CSMD1: variants seen among roughly 807,000 people sequenced by gnomAD.
The protein encoded by CSMD1 is CUB and Sushi multiple domains 1.
CSMD1 carries 213 observed loss-of-function variants against 417.5 expected under a neutral mutation model. The observed-to-expected ratio is 0.51, with a 90% CI of 0.46 to 0.57. CSMD1 has a LOEUF of 0.57. CSMD1 is among the 20% of genes least tolerant of loss of function. The probability of loss-of-function intolerance (pLI) is 0.00; values close to 1 mark genes in which losing one functional copy is unlikely to be tolerated. For synonymous variants in CSMD1, 2,862 were observed against 1,736.8 expected, an observed-to-expected ratio of 1.65 and a Z score of -16.11; for missense variants, 6,923 against 4,529.7, an observed-to-expected ratio of 1.53 and a Z score of -15.17.
At position 3,142,506 on chromosome 8, in the gene CSMD1, T is replaced by A. The variant is rs748998362; in HGVS notation, c.6200A>T (p.Asp2067Val). Reference protein sequence around the residue: ...THETLIHFYSDHSQNRQGFKL... With the variant: ...THETLIHFYSVHSQNRQGFKL... Reference sequence around the variant, plus strand: ...AAATCCTTGCCGGTTTTGCGAATGGTCACTATAAAAGTGGATGAGGGTTTC... The same window carrying A: ...AAATCCTTGCCGGTTTTGCGAATGGACACTATAAAAGTGGATGAGGGTTTC... Residue 2067 changes from aspartate to valine, a missense_variant, in exon 41 of 70, where the codon GAC (aspartate) becomes GTC (valine). By Grantham distance (152) the Asp-to-Val change is radical. Coordinates refer to ENST00000635120, the MANE Select transcript of CSMD1 (RefSeq NM_033225.6). 1.9e-6 allele frequency: 3 copies of A among 1,613,880 alleles called. No homozygotes were observed. Among genetic ancestry groups the A allele is most frequent in the Non-Finnish European group, 1.7e-6 (2 of 1,179,896 alleles).
At chr8:3,741,172 C>T (rs1796781253) in intron 6 of CSMD1, among the ~76,000 whole-genome samples, 1 of 132,722 alleles carries the variant, frequency 7.5e-6, no homozygotes, top group East Asian at 2.3e-4. Context: ...TGAGATCGTG[C>T]TATTGCAGTC....
At chr8:4,324,443 A>G (rs939866596) in intron 3 of CSMD1, among the ~76,000 whole-genome samples, 12 of 152,236 alleles carry the variant, frequency 7.9e-5, no homozygotes, top group Non-Finnish European at 1.8e-4. Flanking sequence ...AGCCTTTGTC[A>G]GTGAACACAG....
At chr8:3,139,925 T>C (rs2897452) in intron 41 of CSMD1, among the ~76,000 whole-genome samples, 55,016 of 144,940 alleles carry the variant, frequency 0.38, 13,036 homozygotes, top group Non-Finnish European at 0.53. Context: ...TTTTTTTAGA[T>C]GGAGTCTCCC....
chr8:4,278,028 T>A (rs1315066185), intron 3 of CSMD1, among the ~76,000 whole-genome samples: 1 of 152,152 alleles, frequency 6.6e-6, no homozygotes, highest in African/African-American at 2.4e-5. Context: ...ATTACAAGCA[T>A]GAGCCACGGC....
intron 1 of CSMD1, among the ~76,000 whole-genome samples, chr8:4,911,165 A>C (rs1266789205): frequency 6.6e-6 from 1 of 152,236 alleles, no homozygotes; most frequent in African/African-American, 2.4e-5. Context: ...CTTTATCAGC[A>C]GTGTGAAAAT....
intron 5 of CSMD1, among the ~76,000 whole-genome samples, chr8:3,967,353 C>G (rs1196868481): frequency 3.3e-5 from 5 of 151,960 alleles, no homozygotes; most frequent in African/African-American, 1.2e-4. Flanking sequence ...CGACCCTGAA[C>G]TTGTAAACAT....
intron 12 of CSMD1, among the ~76,000 whole-genome samples, chr8:3,441,539 C>A (rs962423834): frequency 6.8e-6 from 1 of 146,084 alleles, no homozygotes; most frequent in African/African-American, 2.5e-5. Context: ...TCCTGTACCA[C>A]GTAAGGACAT....
intron 10 of CSMD1, among the ~76,000 whole-genome samples, chr8:3,511,821 A>C (rs1418133621): frequency 1.3e-5 from 2 of 151,684 alleles, no homozygotes; most frequent in Non-Finnish European, 2.9e-5. Flanking sequence ...ACATAACATA[A>C]CAATAAATAA....
At chr8:3,306,796 G>GAGAC (rs1237716123) in intron 25 of CSMD1, among the ~76,000 whole-genome samples, 1 of 151,606 alleles carries the variant, frequency 6.6e-6, no homozygotes, top group Non-Finnish European at 1.5e-5. Context: ...TATGGTTTTG[G>GAGAC]AGACAGATTT....
At chr8:4,850,927 A>C (rs1801440246) in intron 1 of CSMD1, among the ~76,000 whole-genome samples, 1 of 132,086 alleles carries the variant, frequency 7.6e-6, no homozygotes, top group Non-Finnish European at 1.6e-5. Flanking sequence ...TTTTGTGGTT[A>C]TTTTTTTATC....
At chr8:3,696,039 G>A (rs373624820) in intron 7 of CSMD1, among the ~76,000 whole-genome samples, 6 of 151,974 alleles carry the variant, frequency 3.9e-5, no homozygotes, top group Non-Finnish European at 4.4e-5. Flanking sequence ...ATTTGCACAC[G>A]TGCAAAAAAA....
chr8:3,919,907 T>C (rs149995277), intron 5 of CSMD1, among the ~76,000 whole-genome samples: 479 of 152,316 alleles, frequency 3.1e-3, no homozygotes, highest in African/African-American at 0.011. Context: ...AATGAGATTT[T>C]TTTGGGAATT....
At chr8:3,364,303 G>A (rs772235453) in intron 20 of CSMD1, among the ~76,000 whole-genome samples, 1 of 152,092 alleles carries the variant, frequency 6.6e-6, no homozygotes, top group African/African-American at 2.4e-5. Context: ...CCAAAGTGTT[G>A]TCTTTTGTTT....
chr8:4,939,106 A>G (rs1414560594), intron 1 of CSMD1, among the ~76,000 whole-genome samples: 2 of 152,062 alleles, frequency 1.3e-5, no homozygotes, highest in Admixed American at 6.5e-5. Flanking sequence ...TCTTTATTTT[A>G]TTATTTCTTT....
intron 47 of CSMD1, among the ~76,000 whole-genome samples, chr8:3,092,646 C>G (rs17079315): frequency 6.6e-6 from 1 of 152,036 alleles, no homozygotes; most frequent in East Asian, 1.9e-4. Flanking sequence ...GTTTTAAAAA[C>G]GTTGAGACAA....
At chr8:3,161,914 C>T (rs535093860) in intron 38 of CSMD1, among the ~76,000 whole-genome samples, 16 of 152,192 alleles carry the variant, frequency 1.1e-4, no homozygotes, top group East Asian at 1.9e-4. Context: ...TTATTGGGAA[C>T]GCATATATTT....
intron 5 of CSMD1, among the ~76,000 whole-genome samples, chr8:3,799,312 A>G (rs1800331856): frequency 6.6e-6 from 1 of 151,482 alleles, no homozygotes; most frequent in South Asian, 2.1e-4. Context: ...TTTGTTACAT[A>G]TGTACACATG....
At chr8:3,462,918 G>A (rs1019509542) in intron 12 of CSMD1, among the ~76,000 whole-genome samples, 1 of 152,180 alleles carries the variant, frequency 6.6e-6, no homozygotes, top group African/African-American at 2.4e-5. Flanking sequence ...ATGACATGAT[G>A]AGGGTGGAGC....
At chr8:3,956,404 C>A (rs979647291) in intron 5 of CSMD1, among the ~76,000 whole-genome samples, 2 of 152,130 alleles carry the variant, frequency 1.3e-5, no homozygotes, top group Admixed American at 1.3e-4. Flanking sequence ...GCCCAGAAGT[C>A]TAACTGGAGG....
Sources: allele counts gnomAD v4.1 joint callset (sites outside exome capture counted in the v4.1 genomes callset), GRCh38; gene constraint gnomAD v4.1.1; transcripts MANE v1.5; gene names NCBI Gene and HGNC (gene_info 2026-07-23, HGNC 2026-07-21).